Variants in RBFOX1 observed in about 807,000 individuals in gnomAD.
RBFOX1 encodes RNA binding protein fox-1 homolog 1.
Under a neutral mutation model 57.7 loss-of-function variants are expected in RBFOX1, and 8 were observed. That is an observed-to-expected ratio of 0.14 (90% CI 0.08 to 0.25). RBFOX1 has a LOEUF of 0.25. RBFOX1 is among the 10% of genes least tolerant of loss of function. The pLI is 1.00. For missense variants in RBFOX1, 611 were observed against 548.5 expected (o/e 1.11, Z -1.14); for synonymous variants, 326 against 222.4 (o/e 1.47, Z -4.15).
At chr16:6,693,819 C>G (rs2060623667) in intron 3 of RBFOX1, among the ~76,000 whole-genome samples, 1 of 151,556 alleles carries the variant, frequency 6.6e-6, no homozygotes, top group African/African-American at 2.4e-5. Context: ...CATCATCATT[C>G]TCCACTACCA....
Position 5,986,070 on chromosome 16 carries a change from T to G in RBFOX1, c.351+118735T>G, listed in dbSNP as rs913136504. Among the ~76,000 whole-genome samples the G allele has an allele frequency of 1.1e-4, 16 of 152,016 alleles. No homozygotes were observed. In the East Asian group the frequency reaches 2.3e-3, roughly 22 times the overall value. ...GATTTTTTTCTTTACTTTTTTTTTTTTTTGTTTTCCAGACAGGGTCTCGCT... is the reference window on the plus strand; with the variant it reads ...GATTTTTTTCTTTACTTTTTTTTTTGTTTGTTTTCCAGACAGGGTCTCGCT... On this transcript the variant is annotated intron_variant, in intron 4 of 19. Transcript: ENST00000641259.
At chr16:6,865,491 A>C (rs1311035055) in intron 3 of RBFOX1, among the ~76,000 whole-genome samples, 2 of 152,144 alleles carry the variant, frequency 1.3e-5, no homozygotes, top group Non-Finnish European at 2.9e-5. Flanking sequence ...CTTGTTTTTT[A>C]ACATTTATTT....
chr16:5,334,947 T>C (rs1029943006), intron 1 of RBFOX1, among the ~76,000 whole-genome samples: 1 of 152,242 alleles, frequency 6.6e-6, no homozygotes, highest in South Asian at 2.1e-4. Context: ...TGTTCGCTTG[T>C]TTAAATCTTC....
intron 1 of RBFOX1, among the ~76,000 whole-genome samples, chr16:6,108,526 C>T (rs1377852323): frequency 2.0e-5 from 3 of 152,110 alleles, no homozygotes; most frequent in African/African-American, 7.2e-5. Context: ...TATTAAATAG[C>T]AGAAGTTGGG....
At chr16:6,945,659 G>C (rs1271561868) in intron 3 of RBFOX1, among the ~76,000 whole-genome samples, 1 of 152,080 alleles carries the variant, frequency 6.6e-6, no homozygotes, top group Non-Finnish European at 1.5e-5. Context: ...GGGAGGACGA[G>C]GTGGGTGGAT....
chr16:6,831,001 C>T (rs962234462), intron 3 of RBFOX1, among the ~76,000 whole-genome samples: 2 of 152,166 alleles, frequency 1.3e-5, no homozygotes, highest in African/African-American at 2.4e-5. Context: ...GCCATAGAAC[C>T]TTCGGATTTA....
At chr16:6,909,274 G>A (rs1203803344) in intron 3 of RBFOX1, among the ~76,000 whole-genome samples, 2 of 152,078 alleles carry the variant, frequency 1.3e-5, no homozygotes, top group Admixed American at 1.3e-4. Flanking sequence ...CAGCATTGTG[G>A]CCTTCAGACT....
At chr16:5,817,176 C>G (rs527372619) in intron 3 of RBFOX1, among the ~76,000 whole-genome samples, 3 of 152,272 alleles carry the variant, frequency 2.0e-5, no homozygotes, top group South Asian at 2.1e-4. Flanking sequence ...CTCTCTATCT[C>G]TCTGTGTGTG....
chr16:5,544,875 T>C (rs1248568395), intron 2 of RBFOX1, among the ~76,000 whole-genome samples: 1 of 149,430 alleles, frequency 6.7e-6, no homozygotes, highest in Non-Finnish European at 1.5e-5. Context: ...CTATATCAAG[T>C]TTTAGAGATT....
upstream of RBFOX1, among the ~76,000 whole-genome samples, chr16:6,018,538 A>C (rs950042396): frequency 1.3e-5 from 2 of 152,110 alleles, no homozygotes; most frequent in African/African-American, 4.8e-5. Flanking sequence ...GGGGCAGGAC[A>C]GGAGAGGCCC....
intron 3 of RBFOX1, among the ~76,000 whole-genome samples, chr16:5,663,999 C>A (rs552874183): frequency 6.6e-6 from 1 of 152,242 alleles, no homozygotes; most frequent in South Asian, 2.1e-4. Flanking sequence ...GTATGAACAT[C>A]AGAGCTGCTC....
At chr16:5,442,602 G>A (rs937908468) in intron 1 of RBFOX1, among the ~76,000 whole-genome samples, 1 of 152,208 alleles carries the variant, frequency 6.6e-6, no homozygotes, top group Non-Finnish European at 1.5e-5. Flanking sequence ...TCCAGGAGGA[G>A]GATGCAGCTC....
At chr16:6,145,314 G>T (rs548250676) in intron 1 of RBFOX1, among the ~76,000 whole-genome samples, 2 of 152,102 alleles carry the variant, frequency 1.3e-5, no homozygotes, top group South Asian at 4.1e-4. Context: ...CCATTAGTTT[G>T]CTAAGGATAA....
intron 12 of RBFOX1, among the ~76,000 whole-genome samples, chr16:7,659,255 G>A (rs2067094611): frequency 6.6e-6 from 1 of 152,176 alleles, no homozygotes. Flanking sequence ...CTGGTCAGTG[G>A]AAGAACAAAT....
intron 4 of RBFOX1, among the ~76,000 whole-genome samples, chr16:7,421,190 G>A (rs1021476418): frequency 7.9e-5 from 12 of 152,044 alleles, no homozygotes; most frequent in Non-Finnish European, 1.8e-4. Context: ...GAGCACAGTA[G>A]GAGAAGAAAA....
At chr16:7,414,629 T>A (rs2149197293) in intron 4 of RBFOX1, among the ~76,000 whole-genome samples, 1 of 152,288 alleles carries the variant, frequency 6.6e-6, no homozygotes, top group Middle Eastern at 3.4e-3. Context: ...ATTTATTTAT[T>A]TATTTTGAGA....
intron 4 of RBFOX1, among the ~76,000 whole-genome samples, chr16:5,995,305 C>A (rs546215279): frequency 1.3e-5 from 2 of 152,022 alleles, no homozygotes; most frequent in Non-Finnish European, 2.9e-5. Flanking sequence ...TCTTAGAGCC[C>A]AAATCCACAT....
chr16:6,762,958 A>C (rs1289762392), intron 3 of RBFOX1, among the ~76,000 whole-genome samples: 1 of 152,198 alleles, frequency 6.6e-6, no homozygotes, highest in Non-Finnish European at 1.5e-5. Context: ...AGTTCCCCAA[A>C]TGAAGATAGA....
At chr16:6,779,346 G>T in intron 3 of RBFOX1, among the ~76,000 whole-genome samples, 1 of 151,962 alleles carries the variant, frequency 6.6e-6, no homozygotes, top group Non-Finnish European at 1.5e-5. Flanking sequence ...ATGACAGGAT[G>T]TCATGCTTTT....
Sources: gnomAD v4.1 joint callset for allele counts (sites outside exome capture counted in the v4.1 genomes callset) on GRCh38, gnomAD v4.1.1 for gene constraint, MANE v1.5 for transcripts, NCBI Gene and HGNC (gene_info 2026-07-23, HGNC 2026-07-21) for gene names.